MAGEE1: variants seen among roughly 807,000 people sequenced by gnomAD.
The protein encoded by MAGEE1 is melanoma-associated antigen E1.
Under a neutral mutation model 12.0 loss-of-function variants are expected in MAGEE1, and 3 were observed. The observed-to-expected ratio is 0.25, with a 90% CI of 0.11 to 0.65. MAGEE1 has a LOEUF of 0.65. Among genes scored for constraint, MAGEE1 ranks in the 30% least tolerant of loss-of-function variants. The pLI is 0.84. For synonymous variants in MAGEE1, 414 were observed against 326.1 expected, an observed-to-expected ratio of 1.27 and a Z score of -2.91; for missense variants, 729 against 772.2, an observed-to-expected ratio of 0.94 and a Z score of 0.66.
In MAGEE1 at chrX:76,428,845, C is replaced by A. The variant is rs200272695; in HGVS notation, c.915C>A (p.Ser305Arg). 3 of 1,209,275 alleles carry A rather than the reference C, an allele frequency of 2.5e-6. No individual in the cohort carries two copies. The Admixed American group carries it at 6.5e-5, about 26-fold the overall frequency. ...SVPPTATEGL[S>R]TSVQPTAGEG... ...CCCCCACCGCCACCGAGGGCCTGAGCACCTCCGTGCAGCCCACTGCTGGTG... is the reference window on the plus strand; with the variant it reads ...CCCCCACCGCCACCGAGGGCCTGAGAACCTCCGTGCAGCCCACTGCTGGTG... The change falls in exon 1 of 1, where the codon AGC becomes AGA. Residue 305 changes from serine to arginine, a missense_variant. Ser to Arg is a moderately radical substitution (Grantham distance 110, BLOSUM62 -1). Coordinates refer to ENST00000361470, the MANE Select transcript of MAGEE1 (RefSeq NM_020932.3).
In MAGEE1 at chrX:76,428,350, G is replaced by T. The variant is rs781983012; in HGVS notation, c.420G>T (p.Arg140Ser). 8.3e-7 allele frequency: 1 copy of T among 1,211,532 alleles called. No individual in the cohort carries two copies. The highest frequency in any genetic ancestry group is 1.7e-5 in the African/African-American group (1 of 57,784). ...CCTCTGAGGGCCGGAACACCTCCAG[G>T]CCGCCCACTTCCTCTGAGGAACCTA... is the stretch of plus-strand genomic sequence containing the variant. ...LAASEGRNTS[R>S]PPTSSEEPST... is the part of the protein sequence containing the mutation. The change falls in exon 1 of 1, where the codon AGG becomes AGT. Residue 140 changes from arginine (R) to serine (S), a missense_variant. By Grantham distance (110) the Arg-to-Ser change is moderately radical. Transcript: ENST00000361470.
At position 76,429,091 on chromosome X, in the gene MAGEE1, C is replaced by T. The variant is rs374461688; in HGVS notation, c.1161C>T (p.Gly387=). 2.8e-5 allele frequency: 34 copies of T among 1,210,416 alleles called. No individual in the cohort carries two copies. The highest frequency in any genetic ancestry group is 4.4e-5 in the Admixed American group (2 of 45,971). Residue 387 remains glycine, a synonymous_variant, in exon 1 of 1, where the codon GGC becomes GGT. Coordinates refer to ENST00000361470, the MANE Select transcript of MAGEE1 (RefSeq NM_020932.3). ...CCGTGCCGCCCACTCCTGGTGAGGGCGCAAGCACCTTAGTGCAGCCCACCG... is the reference window on the plus strand; with the variant it reads ...CCGTGCCGCCCACTCCTGGTGAGGGTGCAAGCACCTTAGTGCAGCCCACCG... ...DTSVPPTPGE[G]ASTLVQPTAP... is the part of the protein sequence containing the mutation.
Position 76,428,302 on chromosome X carries a change from G to A in MAGEE1, c.372G>A (p.Leu124=). 1.7e-6 allele frequency: 2 copies of A among 1,208,888 alleles called. No homozygotes were observed. Among genetic ancestry groups the A allele is most frequent in the Non-Finnish European group, 2.2e-6 (2 of 894,665 alleles). The change falls in exon 1 of 1, where the codon CTG becomes CTA. Residue 124 remains leucine (L), a synonymous_variant. Transcript: ENST00000361470. ...TSGPPTISKG[L]CTSVTLAASE... ...GGCCTCCCACCATCTCTAAGGGGCTGTGCACCTCTGTGACGCTTGCCGCCT... is the reference window on the plus strand; with the variant it reads ...GGCCTCCCACCATCTCTAAGGGGCTATGCACCTCTGTGACGCTTGCCGCCT...
Position 76,429,562 on chromosome X carries a change from T to C in MAGEE1, c.1632T>C (p.Phe544=). 1.7e-6 allele frequency: 2 copies of C among 1,211,450 alleles called. No individual in the cohort carries two copies. The highest frequency in any genetic ancestry group is 2.2e-6 in the Non-Finnish European group (2 of 895,488). Residue 544 remains phenylalanine, a synonymous_variant, in exon 1 of 1, where the codon TTT becomes TTC. Transcript: ENST00000361470. Reference sequence around the variant, plus strand: ...CAGCAGCCCACCTGGAGTGCATTTTTAGGTTTGAATTGAGAGAACTTGACC... The same window carrying C: ...CAGCAGCCCACCTGGAGTGCATTTTCAGGTTTGAATTGAGAGAACTTGACC... ...RRAAAHLECI[F]RFELRELDPE... is the part of the protein sequence containing the mutation.
rs782717046 is a variant in MAGEE1, at chrX:76,429,299, A to G, written c.1369A>G (p.Ile457Val). The G allele has an allele frequency of 7.4e-6, 9 of 1,209,612 alleles. No individual in the cohort carries two copies. The African/African-American group carries it at 1.1e-4, about 14-fold the overall frequency. The change falls in exon 1 of 1, where the codon ATA becomes GTA. Residue 457 changes from isoleucine (I) to valine (V), a missense_variant. Transcript: ENST00000361470. Reference protein sequence around the residue: ...SEGPKGAEGPIEFEVLRDCES... With the variant: ...SEGPKGAEGPVEFEVLRDCES... Reference sequence around the variant, plus strand: ...GGGTCCTAAGGGTGCAGAAGGCCCTATAGAATTCGAGGTCCTGAGAGACTG... The same window carrying G: ...GGGTCCTAAGGGTGCAGAAGGCCCTGTAGAATTCGAGGTCCTGAGAGACTG...
Position 76,431,118 on chromosome X carries a change from C to A in MAGEE1, c.*314C>A. ...ATCTAGAAAAGAATATAGCATATAG[C>A]TATAGATATAGGCTTTTCCTTGAAA... is the stretch of plus-strand genomic sequence containing the variant. On this transcript the variant is annotated 3_prime_UTR_variant, in exon 1 of 1. Transcript: ENST00000361470. 4.6e-6 allele frequency: 1 copy of A among 218,568 alleles called. No individual in the cohort carries two copies. Among genetic ancestry groups the A allele is most frequent in the Admixed American group, 6.7e-5 (1 of 14,815 alleles). The allele number at this position is 218,568 out of a possible 1,213,427, so 18.0% of individuals were successfully genotyped here.
At position 76,429,011 on chromosome X, in the gene MAGEE1, G is replaced by A. The variant is rs145927168; in HGVS notation, c.1081G>A (p.Gly361Ser). 1,019 of 1,209,961 alleles carry A rather than the reference G, an allele frequency of 8.4e-4. 8 individuals carry two copies. In the African/African-American group the frequency reaches 0.015, roughly 18 times the overall value. ...AAGCACTTCCGTACTGCCAATCCCC[G>A]GTGAGGGACTGAGCACCTCTGTGCC... The part of the protein sequence containing the change: ...GPSTSVLPIP[G>S]EGLSTSVPPT... Residue 361 changes from glycine to serine, a missense_variant, in exon 1 of 1, where the codon GGT (glycine) becomes AGT (serine). Around this residue, in one of 4 missense-constraint regions of MAGEE1, gnomAD observed 473 missense variants for 423.7 expected, o/e 1.12. Coordinates refer to ENST00000361470, the MANE Select transcript of MAGEE1 (RefSeq NM_020932.3).
rs1556839191 is a variant in MAGEE1, at chrX:76,428,326, C to T, written c.396C>T (p.Ala132=). Residue 132 remains alanine, a synonymous_variant, in exon 1 of 1, where the codon GCC becomes GCT. Transcript: ENST00000361470. Reference sequence around the variant, plus strand: ...TGTGCACCTCTGTGACGCTTGCCGCCTCTGAGGGCCGGAACACCTCCAGGC... The same window carrying T: ...TGTGCACCTCTGTGACGCTTGCCGCTTCTGAGGGCCGGAACACCTCCAGGC... The part of the protein sequence containing the change: ...KGLCTSVTLA[A]SEGRNTSRPP... 5 of 1,211,554 alleles carry T rather than the reference C, an allele frequency of 4.1e-6. No homozygotes were observed. In the South Asian group the frequency reaches 7.0e-5, roughly 17 times the overall value.
rs782809883 is a variant in MAGEE1, at chrX:76,428,028, C to T, written c.98C>T (p.Ala33Val). 2 of 1,187,259 alleles carry T rather than the reference C, an allele frequency of 1.7e-6. No individual in the cohort carries two copies. Among genetic ancestry groups the T allele is most frequent in the South Asian group, 3.7e-5 (2 of 54,341 alleles). The change falls in exon 1 of 1, where the codon GCC becomes GTC. Residue 33 changes from alanine (A) to valine (V), a missense_variant. Ala to Val is a moderately conservative substitution (Grantham distance 64, BLOSUM62 0). This residue lies in a region of MAGEE1 where 473 missense variants were observed against 423.7 expected (regional missense o/e 1.12). Transcript: ENST00000361470. ...TGGGGCGAAATGCAGGCCCCTAATG[C>T]CCCCGGTCTCCCCGCTGATGTGCCA... ...SSWGEMQAPN[A>V]PGLPADVPGS...
chrX:76,428,751 C>T lies in MAGEE1; in HGVS notation c.821C>T (p.Pro274Leu), dbSNP rs1556839434. 8.3e-7 allele frequency: 1 copy of T among 1,210,955 alleles called. No individual in the cohort carries two copies. The highest frequency in any genetic ancestry group is 3.0e-5 in the East Asian group (1 of 33,794). ...GAGGGACCGAGCACCTCCGTGCTGC[C>T]CGCCGCCTCTGACGGACAAAGCATC... ...PGEGPSTSVL[P>L]AASDGQSISL... is the part of the protein sequence containing the mutation. The change falls in exon 1 of 1, where the codon CCC becomes CTC. Residue 274 changes from proline (P) to leucine (L), a missense_variant. Transcript: ENST00000361470.
rs145057754 is a variant in MAGEE1, at chrX:76,430,339, G to A, written c.2409G>A (p.Val803=). 13 of 1,210,317 alleles carry A rather than the reference G, an allele frequency of 1.1e-5. No homozygotes were observed. In the African/African-American group the frequency reaches 1.6e-4, roughly 15 times the overall value. The change falls in exon 1 of 1, where the codon GTG becomes GTA. Residue 803 remains valine (V), a synonymous_variant. Coordinates refer to ENST00000361470, the MANE Select transcript of MAGEE1 (RefSeq NM_020932.3). The part of the protein sequence containing the change: ...TLNHVYGTEL[V]VLDPRNHSYT... ...ACCATGTCTATGGGACAGAACTAGT[G>A]GTACTTGATCCCAGGAATCACTCCT...
Position 76,429,010 on chromosome X carries a change from C to CGGT in MAGEE1, c.1082_1084dup (p.Gly361dup). ...CAAGCACTTCCGTACTGCCAATCCC[C>CGGT]GGTGAGGGACTGAGCACCTCTGTGC... is the stretch of plus-strand genomic sequence containing the variant. On this transcript the variant is annotated inframe_insertion, in exon 1 of 1. Transcript: ENST00000361470. 8.3e-7 allele frequency: 1 copy of CGGT among 1,210,147 alleles called. No homozygotes were observed. The highest frequency in any genetic ancestry group is 3.0e-5 in the East Asian group (1 of 33,730).
rs7066146 is a variant in MAGEE1 at position 76,428,158 on chromosome X, A to C, written c.228A>C (p.Pro76=). The part of the protein sequence containing the change: ...TSVLPTSAEG[P]STFVPPTISE... ...TTCTGCCCACCTCCGCTGAGGGCCC[A>C]AGCACCTTTGTGCCGCCCACCATCT... Residue 76 remains proline (P), a synonymous_variant, in exon 1 of 1, where the codon CCA becomes CCC. Coordinates refer to ENST00000361470, the MANE Select transcript of MAGEE1 (RefSeq NM_020932.3). 51,259 of 1,203,602 alleles carry C rather than the reference A, an allele frequency of 0.043. 7,260 individuals carry two copies. The African/African-American group carries it at 0.57, about 13-fold the overall frequency.
chrX:76,430,819 G>T lies in MAGEE1; in HGVS notation c.*15G>T, dbSNP rs782305045. 2.8e-6 allele frequency: 3 copies of T among 1,067,721 alleles called. No homozygotes were observed. Among genetic ancestry groups the T allele is most frequent in the Admixed American group, 5.0e-5 (2 of 39,615 alleles). 88.0% of individuals were successfully genotyped at this position (1,067,721 alleles called of 1,213,427 possible). A position where few individuals can be genotyped will look rare whatever the true frequency, so the allele number is the denominator to read the frequency against. On this transcript the variant is annotated 3_prime_UTR_variant, in exon 1 of 1. Transcript: ENST00000361470. ...ACTTCAGGTAGAGGAATGCATGGCA[G>T]TCAGAGGGGCCTTGCAAGGAGGGGC...
Position 76,429,657 on chromosome X carries a change from C to A in MAGEE1, c.1727C>A (p.Pro576Gln). 1 of 1,209,684 alleles carries A rather than the reference C, an allele frequency of 8.3e-7. No individual in the cohort carries two copies. Among genetic ancestry groups the A allele is most frequent in the Non-Finnish European group, 1.1e-6 (1 of 894,664 alleles). Residue 576 changes from proline (P) to glutamine (Q), a missense_variant, in exon 1 of 1, where the codon CCA becomes CAA. Pro to Gln is a moderately conservative substitution (Grantham distance 76). Around this residue, in one of 4 missense-constraint regions of MAGEE1, gnomAD observed 91 missense variants for 133.8 expected, o/e 0.68. Transcript: ENST00000361470. ...CCCTTTGAAGGGTTAGAAGAGAGCC[C>A]AAATGGGCCAAAGATGGGCCTCCTG... Reference protein sequence around the residue: ...PVPFEGLEESPNGPKMGLLMM... With the variant: ...PVPFEGLEESQNGPKMGLLMM...
At position 76,430,055 on chromosome X, in the gene MAGEE1, T is replaced by G. The variant is rs1556839841; in HGVS notation, c.2125T>G (p.Phe709Val). 5.0e-6 allele frequency: 6 copies of G among 1,209,316 alleles called. No homozygotes were observed. The highest frequency in any genetic ancestry group is 6.7e-6 in the Non-Finnish European group (6 of 894,105). Reference protein sequence around the residue: ...FAEGWQALPHFRRPFFEEAAA... With the variant: ...FAEGWQALPHVRRPFFEEAAA... ...TGAGGGTTGGCAGGCTCTCCCTCAC[T>G]TTAGGAGGCCCTTTTTTGAGGAAGC... is the stretch of plus-strand genomic sequence containing the variant. The change falls in exon 1 of 1, where the codon TTT becomes GTT. Residue 709 changes from phenylalanine to valine, a missense_variant. By Grantham distance (50) the Phe-to-Val change is conservative. Around this residue, in one of 4 missense-constraint regions of MAGEE1, gnomAD observed 64 missense variants for 53.4 expected, o/e 1.20. Transcript: ENST00000361470.
Position 76,430,379 on chromosome X carries a change from C to T in MAGEE1, c.2449C>T (p.Arg817Ter). The T allele has an allele frequency of 1.7e-6, 2 of 1,211,640 alleles. No individual in the cohort carries two copies. The highest frequency in any genetic ancestry group is 1.1e-6 in the Non-Finnish European group (1 of 895,508). The part of the protein sequence containing the change: ...PRNHSYTLYN[R>*]REMEETEEIV... ...GAATCACTCCTATACTCTGTACAAC[C>T]GAAGGGAGATGGAAGAAACTGAGGA... The change falls in exon 1 of 1, where the codon CGA becomes TGA. Residue 817 changes from arginine to a stop codon, truncating the protein, a stop_gained. Transcript: ENST00000361470. LOFTEE classifies it high-confidence loss of function.
chrX:76,428,467 A>G lies in MAGEE1; in HGVS notation c.537A>G (p.Thr179=), dbSNP rs782507704. ...GEGTSTSVPP[T]AYEGPSTSVV... is the part of the protein sequence containing the mutation. ...GAACGAGCACCTCCGTGCCGCCCAC[A>G]GCCTATGAGGGACCAAGCACCTCCG... is the stretch of plus-strand genomic sequence containing the variant. The change falls in exon 1 of 1, where the codon ACA becomes ACG. Residue 179 remains threonine (T), a synonymous_variant. Coordinates refer to ENST00000361470, the MANE Select transcript of MAGEE1 (RefSeq NM_020932.3). 28 of 1,060,547 alleles carry G rather than the reference A, an allele frequency of 2.6e-5. No homozygotes were observed. The highest frequency in any genetic ancestry group is 3.4e-5 in the Non-Finnish European group (28 of 814,624). 87.4% of individuals were successfully genotyped at this position (1,060,547 alleles called of 1,213,427 possible).
chrX:76,428,668 C>G lies in MAGEE1; in HGVS notation c.738C>G (p.Thr246=), dbSNP rs782421872. ...VPPTATEGLS[T]PVPPTRDEGP... Reference sequence around the variant, plus strand: ...CCACCGCCACTGAGGGCCTAAGCACCCCCGTGCCACCCACCCGTGATGAGG... The same window carrying G: ...CCACCGCCACTGAGGGCCTAAGCACGCCCGTGCCACCCACCCGTGATGAGG... The change falls in exon 1 of 1, where the codon ACC becomes ACG. Residue 246 remains threonine, a synonymous_variant. Coordinates refer to ENST00000361470, the MANE Select transcript of MAGEE1 (RefSeq NM_020932.3). The G allele has an allele frequency of 9.9e-6, 12 of 1,207,298 alleles. No individual in the cohort carries two copies. In the East Asian group the frequency reaches 3.6e-4, roughly 36 times the overall value.
Sources: gnomAD v4.1 joint callset for allele counts on GRCh38, gnomAD v4.1.1 for gene constraint, gnomAD v4.1.1 regional missense constraint, MANE v1.5 for transcripts, NCBI Gene and HGNC (gene_info 2026-07-23, HGNC 2026-07-21) for gene names.